The following SAMD5 variants were observed in gnomAD, a reference collection of about 807,000 sequenced individuals.
SAMD5 encodes the protein sterile alpha motif domain-containing protein 5.
In SAMD5, 13 loss-of-function variants were observed where a neutral mutation model predicts 11.3. The ratio of observed to expected loss-of-function variants is 1.15; its 90% CI spans 0.75 to 1.83. The LOEUF is 1.83. Ranked by LOEUF, SAMD5 falls within the 40% of genes most tolerant of loss-of-function variation. The pLI is 0.00. For missense variants in SAMD5, 255 were observed against 239.1 expected, an observed-to-expected ratio of 1.07 and a Z score of -0.44; for synonymous variants, 129 against 111.3, an observed-to-expected ratio of 1.16 and a Z score of -1.00.
In SAMD5 at chr6:147,565,021, T is replaced by C. The variant is rs1379140034; in HGVS notation, c.*565T>C. The C allele has an allele frequency of 3.2e-6, 3 of 932,304 alleles. No individual in the cohort carries two copies. The highest frequency in any genetic ancestry group is 3.8e-6 in the Non-Finnish European group (3 of 782,038). 57.8% of individuals were successfully genotyped at this position (932,304 alleles called of 1,614,324 possible). The stretch of plus-strand genomic sequence containing the variant: ...ATTCTTATTTTAAGGTGCTTTTATA[T>C]AGTTATTTTGTATATTGGTACAATG... On this transcript the variant is annotated 3_prime_UTR_variant, in exon 2 of 2. Coordinates refer to ENST00000367474, the MANE Select transcript of SAMD5 (RefSeq NM_001030060.3).
chr6:147,942,513 G>C, the SAMD5 span, among the ~76,000 whole-genome samples: 1 of 152,196 alleles, frequency 6.6e-6, no homozygotes, highest in African/African-American at 2.4e-5. Context: ...AAGAATAGAA[G>C]GGCATTCTTC....
At chr6:147,770,271 T>C in the SAMD5 span, among the ~76,000 whole-genome samples, 1 of 152,044 alleles carries the variant, frequency 6.6e-6, no homozygotes, top group African/African-American at 2.4e-5. Context: ...TTAAAAAAAA[T>C]CTAGTGTCGA....
the SAMD5 span, among the ~76,000 whole-genome samples, chr6:147,886,632 A>C: frequency 6.6e-6 from 1 of 152,126 alleles, no homozygotes; most frequent in African/African-American, 2.4e-5. Context: ...TAGCAGACTT[A>C]ATCTCTCTCT....
the SAMD5 span, among the ~76,000 whole-genome samples, chr6:147,788,439 G>A: frequency 6.6e-6 from 1 of 152,132 alleles, no homozygotes; most frequent in Admixed American, 6.5e-5. Context: ...TAATAGTGAA[G>A]TATTTGCATT....
chr6:147,603,505 A>C (rs1679490701), intron 1 of SAMD5, among the ~76,000 whole-genome samples: 1 of 152,184 alleles, frequency 6.6e-6, no homozygotes, highest in Non-Finnish European at 1.5e-5. Flanking sequence ...CTCTAGTTAG[A>C]AACTGACAAT....
At chr6:147,724,130 AAT>A (rs982546033) in intron 1 of SAMD5, among the ~76,000 whole-genome samples, 1 of 152,064 alleles carries the variant, frequency 6.6e-6, no homozygotes, top group African/African-American at 2.4e-5. Flanking sequence ...ACATGAAAAA[AAT>A]ATATATATTT....
At chr6:147,875,519 C>T in the SAMD5 span, among the ~76,000 whole-genome samples, 1 of 152,186 alleles carries the variant, frequency 6.6e-6, no homozygotes, top group Admixed American at 6.5e-5. Context: ...ACTCTCTTGT[C>T]AGCTGAGTGT....
At chr6:147,849,171 T>TTTC in the SAMD5 span, among the ~76,000 whole-genome samples, 1 of 151,482 alleles carries the variant, frequency 6.6e-6, no homozygotes, top group African/African-American at 2.4e-5. Flanking sequence ...TTTTTTTTTT[T>TTTC]TTTTTACAAT....
At chr6:147,626,363 A>T (rs1358416455) in intron 1 of SAMD5, among the ~76,000 whole-genome samples, 1 of 151,948 alleles carries the variant, frequency 6.6e-6, no homozygotes, top group Non-Finnish European at 1.5e-5. Context: ...AAACCTCAAA[A>T]ATCCCAATTG....
the SAMD5 span, among the ~76,000 whole-genome samples, chr6:147,866,017 T>G: frequency 1.3e-5 from 2 of 152,224 alleles, no homozygotes; most frequent in Non-Finnish European, 2.9e-5. Flanking sequence ...CTTTATGTTT[T>G]TAATAGCACT....
At chr6:147,939,509 G>A in the SAMD5 span, among the ~76,000 whole-genome samples, 2 of 152,160 alleles carry the variant, frequency 1.3e-5, no homozygotes, top group African/African-American at 4.8e-5. Context: ...TATCACCCAA[G>A]AAATTCCAAG....
chr6:147,547,747 G>A (rs1201016814), intron 1 of SAMD5, among the ~76,000 whole-genome samples: 2 of 152,158 alleles, frequency 1.3e-5, no homozygotes, highest in African/African-American at 4.8e-5. Context: ...AAACGGAGGG[G>A]ATTACACAAG....
At chr6:147,930,272 A>T in the SAMD5 span, among the ~76,000 whole-genome samples, 43 of 152,246 alleles carry the variant, frequency 2.8e-4, no homozygotes, top group South Asian at 3.7e-3. Flanking sequence ...ACACTTAACT[A>T]GTCTCTAAGA....
At chr6:147,862,502 C>A in the SAMD5 span, among the ~76,000 whole-genome samples, 18 of 152,268 alleles carry the variant, frequency 1.2e-4, no homozygotes, top group East Asian at 3.5e-3. Flanking sequence ...CTCCACGCAC[C>A]CCCTCTGCTC....
chr6:147,754,338 T>C, the SAMD5 span, among the ~76,000 whole-genome samples: 1 of 131,274 alleles, frequency 7.6e-6, no homozygotes, highest in Non-Finnish European at 1.6e-5. Context: ...CTGTTTGCCA[T>C]TTGTATGTCT....
the SAMD5 span, among the ~76,000 whole-genome samples, chr6:147,888,681 G>A: frequency 6.6e-6 from 1 of 151,888 alleles, no homozygotes; most frequent in Non-Finnish European, 1.5e-5. Flanking sequence ...TCAGGAGTTC[G>A]AGACCAGCCT....
At chr6:147,805,730 G>T in the SAMD5 span, among the ~76,000 whole-genome samples, 11 of 152,198 alleles carry the variant, frequency 7.2e-5, no homozygotes, top group African/African-American at 2.6e-4. Context: ...CTCAGAAAAG[G>T]AAGAGTATTG....
At chr6:147,909,628 CTTTCTCTTTCTTG>C in the SAMD5 span, among the ~76,000 whole-genome samples, 5 of 55,196 alleles carry the variant, frequency 9.1e-5, no homozygotes, top group African/African-American at 6.1e-4. Context: ...TTCTTTCTTT[CTTTCTCTTTCTTG>C]TCTTTTGTAC....
the SAMD5 span, among the ~76,000 whole-genome samples, chr6:147,822,320 T>G: frequency 1.7e-4 from 26 of 152,214 alleles, no homozygotes; most frequent in African/African-American, 6.3e-4. Context: ...ATTTGAACCA[T>G]CATCATTGTC....
Sources: gnomAD v4.1 joint callset for allele counts (sites outside exome capture counted in the v4.1 genomes callset) on GRCh38, gnomAD v4.1.1 for gene constraint, MANE v1.5 for transcripts, NCBI Gene and HGNC (gene_info 2026-07-23, HGNC 2026-07-21) for gene names.